The following BRINP3 variants were observed in gnomAD, a reference collection of about 807,000 sequenced individuals.
The protein encoded by BRINP3 is BMP/retinoic acid-inducible neural-specific protein 3.
A neutral mutation model predicts 71.0 loss-of-function variants in BRINP3; 19 were observed. That is an observed-to-expected ratio of 0.27 (90% CI 0.19 to 0.39). The LOEUF is 0.39. BRINP3 is among the 10% of genes least tolerant of loss of function. The pLI is 1.00. For synonymous variants in BRINP3, 380 were observed against 337.7 expected (o/e 1.13, Z -1.37); for missense variants, 959 against 940.8 (o/e 1.02, Z -0.25).
chr1:190,342,333 G>A (rs527713212), intron 2 of BRINP3: 1 of 142,928 alleles, frequency 7.0e-6, no homozygotes, highest in African/African-American at 2.6e-5. Flanking sequence ...CATTTGGGGG[G>A]CCACTATTCT....
At chr1:190,358,209 C>A (rs1668872170) in intron 2 of BRINP3, among the ~76,000 whole-genome samples, 1 of 152,160 alleles carries the variant, frequency 6.6e-6, no homozygotes, top group Non-Finnish European at 1.5e-5. Context: ...AAACTACCAT[C>A]AGAGTGAACA....
intron 1 of BRINP3, among the ~76,000 whole-genome samples, chr1:190,457,509 G>A (rs1360643307): frequency 6.7e-6 from 1 of 150,368 alleles, no homozygotes; most frequent in Non-Finnish European, 1.5e-5. Context: ...ATAGATGTTT[G>A]ACTTTAGGCA....
chr1:190,228,296 T>C (rs779963268), intron 5 of BRINP3, among the ~76,000 whole-genome samples: 30 of 151,850 alleles, frequency 2.0e-4, no homozygotes, highest in Non-Finnish European at 4.1e-4. Flanking sequence ...GGAATCAGTA[T>C]ATATTTATTA....
At chr1:190,419,188 A>G (rs1475893147) in intron 2 of BRINP3, among the ~76,000 whole-genome samples, 1 of 152,098 alleles carries the variant, frequency 6.6e-6, no homozygotes, top group Non-Finnish European at 1.5e-5. Flanking sequence ...AAGGGGAAAT[A>G]AAAAATGAAT....
intron 6 of BRINP3, among the ~76,000 whole-genome samples, chr1:190,192,113 A>G (rs965066227): frequency 6.6e-6 from 1 of 152,192 alleles, no homozygotes; most frequent in Non-Finnish European, 1.5e-5. Context: ...CGGGCTCTGA[A>G]TGCTTTTACA....
chr1:190,321,521 A>G (rs1249278468), intron 2 of BRINP3, among the ~76,000 whole-genome samples: 3 of 152,156 alleles, frequency 2.0e-5, no homozygotes, highest in Non-Finnish European at 4.4e-5. Context: ...TTGTAGAACC[A>G]AGTCAATGTA....
chr1:190,302,917 T>C (rs1179583755), intron 2 of BRINP3: 5 of 151,788 alleles, frequency 3.3e-5, no homozygotes. Flanking sequence ...ATGATGATAA[T>C]AATAATAATC....
chr1:190,291,925 G>A lies in BRINP3; in HGVS notation c.237-10175C>T, dbSNP rs143402367. ...ATTGGTGAAAGAATGGATTTTAAAA[G>A]GTGTTATATGTACACAATGGAGTAC... On this transcript the variant is annotated intron_variant, in intron 2 of 7. Transcript: ENST00000367462. Among the ~76,000 whole-genome samples, 831 of 152,134 alleles carry A rather than the reference G, an allele frequency of 5.5e-3. 6 individuals are homozygous for A. Among genetic ancestry groups the A allele is most frequent in the African/African-American group, 0.018 (761 of 41,506 alleles).
chr1:190,391,869 C>A (rs1007234377), intron 2 of BRINP3, among the ~76,000 whole-genome samples: 2 of 151,738 alleles, frequency 1.3e-5, no homozygotes, highest in African/African-American at 4.8e-5. Flanking sequence ...TATCACTGTG[C>A]ATTCAATACC....
intron 2 of BRINP3, among the ~76,000 whole-genome samples, chr1:190,346,988 T>A (rs1406189961): frequency 3.3e-5 from 5 of 151,956 alleles, no homozygotes; most frequent in Non-Finnish European, 4.4e-5. Context: ...ATTTTTACAG[T>A]CAACCAGTAA....
chr1:190,355,612 A>C (rs1225394702), intron 2 of BRINP3, among the ~76,000 whole-genome samples: 1 of 151,870 alleles, frequency 6.6e-6, no homozygotes, highest in Non-Finnish European at 1.5e-5. Flanking sequence ...AATTTTTCTT[A>C]ATTTTTTAAT....
chr1:190,351,351 A>T (rs1022879286), intron 2 of BRINP3, among the ~76,000 whole-genome samples: 3 of 152,038 alleles, frequency 2.0e-5, no homozygotes, highest in African/African-American at 4.8e-5. Flanking sequence ...TTGGACTCTC[A>T]TTTTGCTTAC....
chr1:190,150,462 G>A (rs1002845663), intron 7 of BRINP3, among the ~76,000 whole-genome samples: 7 of 152,156 alleles, frequency 4.6e-5, no homozygotes, highest in Admixed American at 6.6e-5. Context: ...TAGATTAAAT[G>A]TATCATTAAA....
chr1:190,217,800 T>C (rs1208553299), intron 6 of BRINP3, among the ~76,000 whole-genome samples: 1 of 152,044 alleles, frequency 6.6e-6, no homozygotes, highest in Non-Finnish European at 1.5e-5. Context: ...GCAAGAGCCT[T>C]TGGTTATAAA....
At chr1:190,433,005 A>T (rs1043439165) in intron 2 of BRINP3, among the ~76,000 whole-genome samples, 2 of 152,208 alleles carry the variant, frequency 1.3e-5, no homozygotes, top group African/African-American at 4.8e-5. Flanking sequence ...ATTGAAAAGA[A>T]ATAGAGACCA....
intron 2 of BRINP3, among the ~76,000 whole-genome samples, chr1:190,301,198 C>CATATATATATATATATATAT (rs1390064895): frequency 7.5e-5 from 2 of 26,720 alleles, no homozygotes; most frequent in Non-Finnish European, 2.0e-4. Flanking sequence ...TATATATATA[C>CATATATATATATATATATAT]ACATACATAT....
At chr1:190,470,927 T>C (rs776995389) in intron 1 of BRINP3, among the ~76,000 whole-genome samples, 24 of 151,318 alleles carry the variant, frequency 1.6e-4, no homozygotes, top group Non-Finnish European at 2.7e-4. Flanking sequence ...TTATTTTGAG[T>C]ATGAAATTGG....
At chr1:190,147,024 T>C (rs1655946835) in intron 7 of BRINP3, among the ~76,000 whole-genome samples, 1 of 152,104 alleles carries the variant, frequency 6.6e-6, no homozygotes. Context: ...TTTGATATCC[T>C]TGTGGATGTA....
chr1:190,202,789 C>A (rs1481144177), intron 6 of BRINP3, among the ~76,000 whole-genome samples: 1 of 152,104 alleles, frequency 6.6e-6, no homozygotes, highest in Non-Finnish European at 1.5e-5. Context: ...TGCCTTCCGC[C>A]ATGATTGTGA....
Sources: allele counts gnomAD v4.1 joint callset (sites outside exome capture counted in the v4.1 genomes callset), GRCh38; gene constraint gnomAD v4.1.1; transcripts MANE v1.5; gene names NCBI Gene and HGNC (gene_info 2026-07-23, HGNC 2026-07-21).